Variants in NRG1 observed in about 807,000 individuals in gnomAD.
The protein encoded by NRG1 is neuregulin 1, also known as pro-neuregulin-1, membrane-bound isoform.
A neutral mutation model predicts 63.8 loss-of-function variants in NRG1; 18 were observed. The ratio of observed to expected loss-of-function variants is 0.28; its 90% CI spans 0.19 to 0.42. The LOEUF is 0.42. Among genes scored for constraint, NRG1 ranks in the 10% least tolerant of loss-of-function variants. The pLI, the probability that NRG1 is intolerant of heterozygous loss-of-function variation, is 1.00. For missense variants in NRG1, 762 were observed against 814.7 expected (o/e 0.94, Z 0.79); for synonymous variants, 302 against 301.3 (o/e 1.00, Z -0.02).
intron 1 of NRG1, among the ~76,000 whole-genome samples, chr8:31,710,879 G>C (rs1811670820): frequency 6.6e-6 from 1 of 151,974 alleles, no homozygotes; most frequent in Non-Finnish European, 1.5e-5. Context: ...TTGCTTTCAT[G>C]TTTGCTTTAT....
intron 1 of NRG1, among the ~76,000 whole-genome samples, chr8:31,987,345 TGTGTATGTGTGTGA>T (rs1810263776): frequency 1.4e-5 from 2 of 147,132 alleles, no homozygotes; most frequent in African/African-American, 5.1e-5. Context: ...TGTGTGTGTG[TGTGTATGTGTGTGA>T]AATTATGACA....
At position 31,655,604 on chromosome 8, in the gene NRG1, A is replaced by T. The variant is rs76579750; in HGVS notation, c.37+16173A>T. ...CTAGACTTCCAGGATTCCAGATTTT[A>T]TCTTAAAAACAGGGGAACCCAATGA... is the stretch of plus-strand genomic sequence containing the variant. On this transcript the variant is annotated intron_variant, in intron 1 of 10. Coordinates refer to the NRG1 transcript ENST00000519301. 5.8e-3 allele frequency among the ~76,000 whole-genome samples: 889 copies of T among 152,342 alleles called. 11 individuals are homozygous for T. Among genetic ancestry groups the T allele is most frequent in the African/African-American group, 0.021 (859 of 41,574 alleles).
chr8:31,800,042 G>C (rs924272407), intron 1 of NRG1, among the ~76,000 whole-genome samples: 2 of 152,164 alleles, frequency 1.3e-5, no homozygotes, highest in Admixed American at 6.5e-5. Context: ...ATCGTCATCT[G>C]TTGGCCTATA....
At chr8:31,834,327 A>ACACACACG (rs1586715035) in intron 1 of NRG1, among the ~76,000 whole-genome samples, 2 of 150,546 alleles carry the variant, frequency 1.3e-5, no homozygotes, top group Non-Finnish European at 2.9e-5. Flanking sequence ...ACACACACAC[A>ACACACACG]CACGCACACC....
chr8:32,331,984 G>A (rs1343046144), intron 1 of NRG1, among the ~76,000 whole-genome samples: 1 of 151,946 alleles, frequency 6.6e-6, no homozygotes, highest in East Asian at 1.9e-4. Flanking sequence ...ATGCAGTAAA[G>A]GATAAAGAAG....
chr8:32,772,318 A>G (rs907490377), downstream of NRG1, among the ~76,000 whole-genome samples: 1 of 151,842 alleles, frequency 6.6e-6, no homozygotes, highest in Non-Finnish European at 1.5e-5. Context: ...CAAACTCCAT[A>G]CTACATCCAA....
chr8:31,912,216 A>G (rs898290321), intron 1 of NRG1, among the ~76,000 whole-genome samples: 7 of 152,190 alleles, frequency 4.6e-5, no homozygotes, highest in Admixed American at 3.9e-4. Context: ...ACATTGAATA[A>G]AATGCGCTGA....
At chr8:32,601,823 C>T (rs1184452549) in intron 2 of NRG1, among the ~76,000 whole-genome samples, 1 of 150,670 alleles carries the variant, frequency 6.6e-6, no homozygotes, top group East Asian at 1.9e-4. Flanking sequence ...GGCTTTTATC[C>T]AAGTTGATTG....
At chr8:31,850,923 T>A (rs1586802648) in intron 1 of NRG1, among the ~76,000 whole-genome samples, 2 of 152,350 alleles carry the variant, frequency 1.3e-5, no homozygotes, top group East Asian at 3.9e-4. Context: ...TTAGTGCTGC[T>A]TATTTTCTGC....
chr8:32,246,716 G>T (rs2129470025), intron 1 of NRG1, among the ~76,000 whole-genome samples: 1 of 152,164 alleles, frequency 6.6e-6, no homozygotes, highest in East Asian at 1.9e-4. Context: ...CTGGCTTATA[G>T]GCACAGAAAA....
chr8:32,529,857 C>CT (rs976770878), intron 1 of NRG1, among the ~76,000 whole-genome samples: 1 of 152,122 alleles, frequency 6.6e-6, no homozygotes. Context: ...TTACAGTTAA[C>CT]TTTTTTTCAG....
chr8:31,930,824 A>G (rs1834795610), intron 1 of NRG1, among the ~76,000 whole-genome samples: 1 of 152,192 alleles, frequency 6.6e-6, no homozygotes, highest in Non-Finnish European at 1.5e-5. Context: ...GAACTGCACT[A>G]TATGAATGAA....
chr8:31,864,487 A>G (rs961878254), intron 1 of NRG1, among the ~76,000 whole-genome samples: 6 of 152,184 alleles, frequency 3.9e-5, no homozygotes, highest in Non-Finnish European at 7.4e-5. Flanking sequence ...GCAGAAGAGC[A>G]CAAGGAGGGA....
chr8:32,149,338 G>C (rs1008763900), intron 1 of NRG1, among the ~76,000 whole-genome samples: 1 of 152,148 alleles, frequency 6.6e-6, no homozygotes, highest in Non-Finnish European at 1.5e-5. Context: ...CCTCTTCTCA[G>C]TTTTCTGAAT....
intron 1 of NRG1, among the ~76,000 whole-genome samples, chr8:31,693,837 T>C (rs1809779665): frequency 6.6e-6 from 1 of 152,148 alleles, no homozygotes; most frequent in Non-Finnish European, 1.5e-5. Flanking sequence ...TCACTGTCTT[T>C]TTATTACTGT....
intron 1 of NRG1, among the ~76,000 whole-genome samples, chr8:32,043,747 T>C (rs1386981475): frequency 6.6e-6 from 1 of 151,930 alleles, no homozygotes; most frequent in Non-Finnish European, 1.5e-5. Flanking sequence ...AAATTAAGCA[T>C]GTATATAGCA....
intron 5 of NRG1, among the ~76,000 whole-genome samples, chr8:32,664,759 C>T (rs565357824): frequency 6.6e-6 from 1 of 152,102 alleles, no homozygotes; most frequent in African/African-American, 2.4e-5. Flanking sequence ...TAATTGAATG[C>T]GGAGAAGGAA....
chr8:32,155,746 G>T (rs146897676), intron 1 of NRG1, among the ~76,000 whole-genome samples: 23 of 152,066 alleles, frequency 1.5e-4, no homozygotes, highest in Middle Eastern at 3.2e-3. Flanking sequence ...GAATCTGATC[G>T]TATTCTAATA....
chr8:31,666,543 G>A (rs1356973019), intron 1 of NRG1, among the ~76,000 whole-genome samples: 2 of 152,134 alleles, frequency 1.3e-5, no homozygotes, highest in African/African-American at 4.8e-5. Context: ...AAAGAAAAAA[G>A]GCAAGTAATT....
Sources: gnomAD v4.1 joint callset for allele counts (sites outside exome capture counted in the v4.1 genomes callset) on GRCh38, gnomAD v4.1.1 for gene constraint, MANE v1.5 for transcripts, NCBI Gene and HGNC (gene_info 2026-07-23, HGNC 2026-07-21) for gene names.